Variants in LDB2 observed in about 807,000 individuals in gnomAD.
LDB2 encodes the protein LIM domain binding 2, also known as LIM domain-binding protein 2.
A neutral mutation model predicts 44.3 loss-of-function variants in LDB2; 12 were observed. The ratio of observed to expected loss-of-function variants is 0.27; its 90% CI spans 0.17 to 0.44. The LOEUF is 0.44. LDB2 is among the 20% of genes least tolerant of loss of function. The pLI, the probability that LDB2 is intolerant of heterozygous loss-of-function variation, is 1.00. For missense variants in LDB2, 344 were observed against 473.5 expected (o/e 0.73, Z 2.54); for synonymous variants, 164 against 174.8 (o/e 0.94, Z 0.49).
At chr4:16,844,907 G>T (rs1178035977) in intron 1 of LDB2, among the ~76,000 whole-genome samples, 1 of 152,152 alleles carries the variant, frequency 6.6e-6, no homozygotes, top group East Asian at 1.9e-4. Context: ...GTGGTCTGTG[G>T]TTAAAAGGTA....
chr4:16,543,902 T>TAAAC (rs1396862465), intron 5 of LDB2, among the ~76,000 whole-genome samples: 1 of 152,146 alleles, frequency 6.6e-6, no homozygotes, highest in Non-Finnish European at 1.5e-5. Context: ...ACAAAGAACT[T>TAAAC]AAACAAATTT....
intron 5 of LDB2, among the ~76,000 whole-genome samples, chr4:16,520,193 C>G (rs1261851942): frequency 6.6e-6 from 1 of 151,754 alleles, no homozygotes; most frequent in East Asian, 1.9e-4. Flanking sequence ...AGAAAGACAT[C>G]AGATGATGGG....
chr4:16,842,612 T>C (rs990559937), intron 1 of LDB2, among the ~76,000 whole-genome samples: 2 of 152,190 alleles, frequency 1.3e-5, no homozygotes, highest in Admixed American at 6.5e-5. Context: ...CAAAACACTT[T>C]CACAAGCATC....
At chr4:16,651,630 T>C (rs368071892) in intron 2 of LDB2, among the ~76,000 whole-genome samples, 5 of 152,116 alleles carry the variant, frequency 3.3e-5, no homozygotes, top group South Asian at 4.2e-4. Flanking sequence ...TTGGAAGCTA[T>C]AGAGTTTTAC....
intron 1 of LDB2, among the ~76,000 whole-genome samples, chr4:16,839,109 T>A (rs576655860): frequency 5.3e-4 from 80 of 152,330 alleles, no homozygotes; most frequent in African/African-American, 1.8e-3. Flanking sequence ...TCTAGACACT[T>A]AATATACAAG....
intron 1 of LDB2, among the ~76,000 whole-genome samples, chr4:16,868,276 G>A (rs1715353057): frequency 6.6e-6 from 1 of 151,950 alleles, no homozygotes; most frequent in South Asian, 2.1e-4. Context: ...CTAAATTTGG[G>A]GACTCCTGAT....
At chr4:16,888,755 GCACCTAT>G (rs1722486957) in intron 1 of LDB2, 1 of 971,386 alleles carries the variant, frequency 1.0e-6, no homozygotes, top group South Asian at 4.8e-5. Context: ...CAATGATGTG[GCACCTAT>G]CATATACCAG....
intron 5 of LDB2, among the ~76,000 whole-genome samples, chr4:16,537,512 G>C (rs1324599507): frequency 6.6e-6 from 1 of 152,180 alleles, no homozygotes. Flanking sequence ...CCTTTGTTTT[G>C]GAAAGAGAAC....
intron 1 of LDB2, 120 bp downstream of exon 1, chr4:16,898,234 C>T (rs1237380049): frequency 1.0e-6 from 1 of 960,550 alleles, no homozygotes; most frequent in African/African-American, 1.7e-5. Context: ...CGCTCATTTC[C>T]ACGTACGTGG....
intron 5 of LDB2, among the ~76,000 whole-genome samples, chr4:16,561,096 C>T (rs79542791): frequency 2.6e-5 from 4 of 152,088 alleles, no homozygotes; most frequent in African/African-American, 9.6e-5. Context: ...CTATGACAAA[C>T]CCACAGCCAA....
At chr4:16,847,678 C>T (rs1561428010) in intron 1 of LDB2, among the ~76,000 whole-genome samples, 1 of 152,114 alleles carries the variant, frequency 6.6e-6, no homozygotes, top group African/African-American at 2.4e-5. Flanking sequence ...ACTGCAGTGG[C>T]GGATCTCGGC....
chr4:16,873,302 T>C (rs1440277677), intron 1 of LDB2, among the ~76,000 whole-genome samples: 1 of 152,174 alleles, frequency 6.6e-6, no homozygotes, highest in African/African-American at 2.4e-5. Context: ...AAACTTGACT[T>C]TAATTTTTTT....
At chr4:16,887,027 C>T (rs10000826) in intron 1 of LDB2, among the ~76,000 whole-genome samples, 7,581 of 103,198 alleles carry the variant, frequency 0.073, 949 homozygotes, top group African/African-American at 0.28. Context: ...AGCGAAACTC[C>T]GTCTCAAAAA....
intron 2 of LDB2, among the ~76,000 whole-genome samples, chr4:16,706,313 C>T (rs118087260): frequency 4.6e-5 from 7 of 152,206 alleles, no homozygotes; most frequent in South Asian, 4.1e-4. Context: ...GGAGCCCCCA[C>T]GAATAAGATT....
chr4:16,742,098 T>C (rs13127837), intron 2 of LDB2, among the ~76,000 whole-genome samples: 37,352 of 142,106 alleles, frequency 0.26, 5,304 homozygotes, highest in Non-Finnish European at 0.33. Flanking sequence ...TTTTTGAGAG[T>C]GTCTCACTCT....
intron 1 of LDB2, among the ~76,000 whole-genome samples, chr4:16,861,732 C>G (rs1286587405): frequency 6.6e-6 from 1 of 152,200 alleles, no homozygotes. Flanking sequence ...CAGCTAGGTC[C>G]TGCTGCCCTA....
At chr4:16,760,133 A>C (rs1182394051) in intron 1 of LDB2, among the ~76,000 whole-genome samples, 1 of 152,180 alleles carries the variant, frequency 6.6e-6, no homozygotes, top group Non-Finnish European at 1.5e-5. Context: ...GATTTATCCC[A>C]AAATTCTTAA....
At chr4:16,850,310 T>C (rs1787939096) in intron 1 of LDB2, among the ~76,000 whole-genome samples, 1 of 152,094 alleles carries the variant, frequency 6.6e-6, no homozygotes, top group African/African-American at 2.4e-5. Flanking sequence ...CACCACCTAT[T>C]AGCTGAACCT....
chr4:16,851,573 G>A (rs571702054), intron 1 of LDB2, among the ~76,000 whole-genome samples: 4 of 150,518 alleles, frequency 2.7e-5, no homozygotes, highest in Non-Finnish European at 5.9e-5. Flanking sequence ...CAGTCTGGGT[G>A]AAACAGCGAG....
Sources: gnomAD v4.1 joint callset for allele counts (sites outside exome capture counted in the v4.1 genomes callset) on GRCh38, gnomAD v4.1.1 for gene constraint, MANE v1.5 for transcripts, NCBI Gene and HGNC (gene_info 2026-07-23, HGNC 2026-07-21) for gene names.